The following ATP11C variants were observed in gnomAD, a reference collection of about 807,000 sequenced individuals.
The protein encoded by ATP11C is phospholipid-transporting ATPase IG.
A neutral mutation model predicts 97.4 loss-of-function variants in ATP11C; 36 were observed. That is an observed-to-expected ratio of 0.37 (90% CI 0.28 to 0.49). The LOEUF (loss-of-function observed/expected upper bound fraction) is 0.49. Ranked by LOEUF, ATP11C falls within the 20% of genes least tolerant of loss-of-function variation. The pLI is 0.98. For missense variants in ATP11C, 730 were observed against 824.6 expected (o/e 0.89, Z 1.40); for synonymous variants, 275 against 290.9 (o/e 0.95, Z 0.56).
rs182856200 is a variant in ATP11C, at chrX:139,788,352, C to G, written c.1369-9G>C. ...AACAGCTCTTCTCGATTCTGTGGAA[C>G]AGCAACAAAATAATGATTATTATTT... On this transcript the variant is annotated splice_polypyrimidine_tract_variant and intron_variant, in intron 13 of 29. Transcript: ENST00000682941. 7.2e-5 allele frequency: 86 copies of G among 1,190,493 alleles called. No homozygotes were observed. Among genetic ancestry groups the G allele is most frequent in the Non-Finnish European group, 9.2e-5 (81 of 880,965 alleles).
intron 1 of ATP11C, among the ~76,000 whole-genome samples, chrX:139,931,780 G>A (rs1397131587): frequency 7.4e-5 from 8 of 108,811 alleles, no homozygotes; most frequent in African/African-American, 2.7e-4. Flanking sequence ...GTTTGTAACA[G>A]CTCCGGGAAG....
intron 1 of ATP11C, among the ~76,000 whole-genome samples, chrX:139,884,342 C>T (rs989728886): frequency 1.8e-5 from 2 of 111,436 alleles, no homozygotes; most frequent in African/African-American, 3.3e-5. Context: ...GACAGTCTCA[C>T]GTCATAAACT....
chrX:139,819,406 G>A lies in ATP11C; in HGVS notation c.169C>T (p.Pro57Ser). 8.9e-7 allele frequency: 1 copy of A among 1,124,974 alleles called. No homozygotes were observed. 92.7% of individuals were successfully genotyped at this position (1,124,974 alleles called of 1,213,427 possible). The change falls in exon 3 of 30, where the codon CCA (proline) becomes TCA (serine). Residue 57 changes from proline to serine, a missense_variant. Transcript: ENST00000682941. ...SSKYTLWNFL[P>S]KNLFEQFRRI... ...CTAAACTGTTCAAACAGATTCTTTG[G>A]GAGAAAATTCCAAAGTGTATACTGT...
intron 1 of ATP11C, among the ~76,000 whole-genome samples, chrX:139,887,496 T>C (rs969015359): frequency 1.2e-4 from 13 of 110,298 alleles, no homozygotes; most frequent in Non-Finnish European, 1.3e-4. Context: ...GGCATGGTGG[T>C]GCACACCTAT....
intron 1 of ATP11C, among the ~76,000 whole-genome samples, chrX:139,861,209 G>A (rs1457720522): frequency 1.8e-5 from 2 of 112,033 alleles, no homozygotes; most frequent in African/African-American, 6.5e-5. Flanking sequence ...AATATGATAT[G>A]AGTCACGTGA....
chrX:139,784,924 C>A (rs2082541887), intron 16 of ATP11C, among the ~76,000 whole-genome samples: 1 of 111,456 alleles, frequency 9.0e-6, no homozygotes, highest in Non-Finnish European at 1.9e-5. Flanking sequence ...CTGGTCAGTA[C>A]CCTGAACCAT....
chrX:139,861,975 C>T (rs186076067), intron 1 of ATP11C, among the ~76,000 whole-genome samples: 53 of 111,741 alleles, frequency 4.7e-4, no homozygotes, highest in Admixed American at 4.4e-3. Flanking sequence ...CAAAGAGGAC[C>T]CTGTCCCATA....
At chrX:139,855,288 G>A (rs1756044960) in intron 1 of ATP11C, among the ~76,000 whole-genome samples, 1 of 112,030 alleles carries the variant, frequency 8.9e-6, no homozygotes, top group African/African-American at 3.2e-5. Context: ...CAGTTTCTTA[G>A]AAATTATATA....
intron 1 of ATP11C, among the ~76,000 whole-genome samples, chrX:139,854,204 C>T (rs1259863032): frequency 8.9e-6 from 1 of 112,353 alleles, no homozygotes; most frequent in African/African-American, 3.2e-5. Flanking sequence ...AAAGTACTTA[C>T]AGAATCAGGA....
intron 20 of ATP11C, among the ~76,000 whole-genome samples, chrX:139,766,898 G>GCACATCTATGAGTACAAA (rs1179038056): frequency 5.4e-5 from 6 of 111,302 alleles, no homozygotes; most frequent in Non-Finnish European, 1.1e-4. Flanking sequence ...TAAAATTTGT[G>GCACATCTATGAGTACAAA]TTAGGCCAGG....
intron 4 of ATP11C, 106 bp downstream of exon 4, chrX:139,816,757 T>G: frequency 2.2e-6 from 1 of 448,529 alleles, no homozygotes; most frequent in Non-Finnish European, 3.8e-6. Context: ...AATAAATCCA[T>G]AAAGGATACT....
intron 27 of ATP11C, among the ~76,000 whole-genome samples, chrX:139,738,486 T>C (rs2081491308): frequency 1.8e-5 from 2 of 111,855 alleles, no homozygotes; most frequent in Non-Finnish European, 3.8e-5. Context: ...TCAAAAGACA[T>C]TTTTATAACT....
intron 1 of ATP11C, among the ~76,000 whole-genome samples, chrX:139,855,896 C>T (rs751629295): frequency 1.5e-4 from 17 of 111,929 alleles, no homozygotes; most frequent in Admixed American, 5.7e-4. Flanking sequence ...ACCTTTATAT[C>T]GTAGTTGGTC....
intron 18 of ATP11C, among the ~76,000 whole-genome samples, chrX:139,776,476 G>A (rs1169968799): frequency 8.9e-6 from 1 of 111,880 alleles, no homozygotes; most frequent in African/African-American, 3.3e-5. Context: ...GGAACCAAAG[G>A]ATAAAGTCTA....
chrX:139,839,592 A>G (rs776075915), intron 1 of ATP11C, among the ~76,000 whole-genome samples: 2 of 111,148 alleles, frequency 1.8e-5, no homozygotes, highest in East Asian at 5.7e-4. Context: ...CATTCATCAA[A>G]TGCTCATACA....
At chrX:139,906,763 C>G (rs1257321385) in intron 1 of ATP11C, among the ~76,000 whole-genome samples, 2 of 103,002 alleles carry the variant, frequency 1.9e-5, no homozygotes, top group African/African-American at 7.6e-5. Flanking sequence ...GCCTGGGCAA[C>G]AGAGTGAGAC....
At chrX:139,747,586 T>C (rs948154849) in intron 24 of ATP11C, among the ~76,000 whole-genome samples, 5 of 111,847 alleles carry the variant, frequency 4.5e-5, no homozygotes, top group African/African-American at 1.3e-4. Context: ...GTTCCCTCTA[T>C]AGAAAAACTA....
chrX:139,759,544 T>G (rs764137331), intron 22 of ATP11C, among the ~76,000 whole-genome samples: 11 of 111,121 alleles, frequency 9.9e-5, no homozygotes, highest in Admixed American at 1.9e-4. Context: ...CTAATCTAGT[T>G]GAATTATGTA....
intron 24 of ATP11C, among the ~76,000 whole-genome samples, chrX:139,749,700 T>C (rs1419856119): frequency 8.9e-6 from 1 of 112,087 alleles, no homozygotes; most frequent in East Asian, 2.8e-4. Context: ...CTACAGAAGA[T>C]CTTTGTGTAT....
Sources: gnomAD v4.1 joint callset for allele counts (sites outside exome capture counted in the v4.1 genomes callset) on GRCh38, gnomAD v4.1.1 for gene constraint, MANE v1.5 for transcripts, NCBI Gene and HGNC (gene_info 2026-07-23, HGNC 2026-07-21) for gene names.